CSNK1G1: variants seen among roughly 807,000 people sequenced by gnomAD.
CSNK1G1 encodes casein kinase I isoform gamma-1.
A neutral mutation model predicts 59.6 loss-of-function variants in CSNK1G1; 22 were observed. The observed-to-expected ratio is 0.37, with a 90% CI of 0.26 to 0.53. The LOEUF (loss-of-function observed/expected upper bound fraction) is 0.53. Ranked by LOEUF, CSNK1G1 falls within the 20% of genes least tolerant of loss-of-function variation. The pLI is 0.89. For synonymous variants in CSNK1G1, 179 were observed against 177.1 expected, an observed-to-expected ratio of 1.01 and a Z score of -0.08; for missense variants, 384 against 519.5, an observed-to-expected ratio of 0.74 and a Z score of 2.54.
At chr15:64,265,662 TAA>T (rs1200114552) in intron 2 of CSNK1G1, 359 of 272,956 alleles carry the variant, frequency 1.3e-3, no homozygotes, top group Middle Eastern at 2.8e-3. Flanking sequence ...ACAATAGCTT[TAA>T]AAAAAAAAAA....
At chr15:64,194,878 C>A (rs1358050527) in intron 10 of CSNK1G1, 2 of 152,116 alleles carry the variant, frequency 1.3e-5, no homozygotes, top group Non-Finnish European at 2.9e-5. Flanking sequence ...CAAACAAATC[C>A]AAAACACTCT....
chr15:64,262,704 T>G (rs1196196208), intron 2 of CSNK1G1, among the ~76,000 whole-genome samples: 2 of 152,232 alleles, frequency 1.3e-5, no homozygotes. Context: ...TAATTTTCAT[T>G]TGAAGATTTG....
intron 2 of CSNK1G1, among the ~76,000 whole-genome samples, chr15:64,286,776 C>G (rs920355585): frequency 6.6e-6 from 1 of 152,106 alleles, no homozygotes; most frequent in African/African-American, 2.4e-5. Context: ...ACATCCTCCA[C>G]TTTGATTCTG....
chr15:64,243,694 A>G (rs1050888511), intron 4 of CSNK1G1, among the ~76,000 whole-genome samples: 1 of 152,204 alleles, frequency 6.6e-6, no homozygotes, highest in African/African-American at 2.4e-5. Flanking sequence ...TTAAAAATGT[A>G]GTCAAGTTGC....
At chr15:64,246,639 A>AGG (rs35838047) in intron 4 of CSNK1G1, among the ~76,000 whole-genome samples, 6 of 88,944 alleles carry the variant, frequency 6.7e-5, no homozygotes, top group East Asian at 3.1e-4. Flanking sequence ...AAAAAAAAAA[A>AGG]GGGGGGGGGG....
intron 1 of CSNK1G1, among the ~76,000 whole-genome samples, chr15:64,333,218 T>C (rs775523721): frequency 7.3e-6 from 1 of 136,534 alleles, no homozygotes; most frequent in African/African-American, 2.8e-5. Flanking sequence ...GATTGCGCCA[T>C]TGCACTCCAG....
At chr15:64,251,957 G>C (rs1251839994) in intron 3 of CSNK1G1, among the ~76,000 whole-genome samples, 1 of 152,006 alleles carries the variant, frequency 6.6e-6, no homozygotes, top group Non-Finnish European at 1.5e-5. Context: ...GTGGTTCATG[G>C]TTTTATTATT....
chr15:64,191,880 A>C (rs2081977012), intron 10 of CSNK1G1, among the ~76,000 whole-genome samples: 2 of 152,228 alleles, frequency 1.3e-5, no homozygotes. Context: ...TAAGATGTTA[A>C]ATTCTAGGGC....
intron 11 of CSNK1G1, among the ~76,000 whole-genome samples, chr15:64,177,269 G>A (rs1349354791): frequency 6.6e-6 from 1 of 152,122 alleles, no homozygotes; most frequent in East Asian, 1.9e-4. Flanking sequence ...TACCCCACAA[G>A]CAGGCTGCAT....
At chr15:64,190,988 A>G (rs10519228) in intron 10 of CSNK1G1, among the ~76,000 whole-genome samples, 29,346 of 152,066 alleles carry the variant, frequency 0.19, 3,905 homozygotes, top group African/African-American at 0.38. Context: ...AAGCCATTTA[A>G]TGTTGAGTTC....
intron 2 of CSNK1G1, among the ~76,000 whole-genome samples, chr15:64,270,819 C>T (rs530687712): frequency 6.6e-6 from 1 of 151,128 alleles, no homozygotes; most frequent in Non-Finnish European, 1.5e-5. Flanking sequence ...GTTGTATCTT[C>T]GTTCTCATTA....
intron 4 of CSNK1G1, among the ~76,000 whole-genome samples, chr15:64,239,807 C>G (rs2082670173): frequency 6.6e-6 from 1 of 151,988 alleles, no homozygotes; most frequent in South Asian, 2.1e-4. Context: ...AGAAAAGAAC[C>G]AAACAGATTT....
intron 1 of CSNK1G1, among the ~76,000 whole-genome samples, chr15:64,350,039 G>A (rs1428593937): frequency 6.6e-6 from 1 of 152,002 alleles, no homozygotes; most frequent in East Asian, 1.9e-4. Flanking sequence ...ACTACTGAAA[G>A]AGTAAATTTA....
At chr15:64,202,540 C>T (rs2082121754) in intron 10 of CSNK1G1, among the ~76,000 whole-genome samples, 1 of 151,470 alleles carries the variant, frequency 6.6e-6, no homozygotes, top group Admixed American at 6.6e-5. Flanking sequence ...CTCTGACAGG[C>T]CCACACACTT....
At chr15:64,195,751 G>A (rs2082030539) in intron 10 of CSNK1G1, among the ~76,000 whole-genome samples, 1 of 152,174 alleles carries the variant, frequency 6.6e-6, no homozygotes, top group Non-Finnish European at 1.5e-5. Context: ...CTTTAGAGAG[G>A]AATCAGACCC....
At chr15:64,204,817 C>T (rs770946768) in intron 8 of CSNK1G1, 48 bp downstream of exon 8, 20 of 1,323,400 alleles carry the variant, frequency 1.5e-5, no homozygotes, top group Middle Eastern at 3.6e-4. Flanking sequence ...ATGGACTCTA[C>T]CTAGTTTCAA....
chr15:64,199,776 C>A (rs1035351271), intron 10 of CSNK1G1, among the ~76,000 whole-genome samples: 3 of 151,804 alleles, frequency 2.0e-5, no homozygotes, highest in African/African-American at 7.3e-5. Flanking sequence ...TTGCTCGAAC[C>A]CGGGAGGTGG....
chr15:64,223,583 C>CA (rs2082418916), intron 4 of CSNK1G1, among the ~76,000 whole-genome samples: 1 of 152,162 alleles, frequency 6.6e-6, no homozygotes, highest in African/African-American at 2.4e-5. Context: ...TGGTAAACTG[C>CA]ATAGAAACCT....
chr15:64,243,688 A>C (rs1445027849), intron 4 of CSNK1G1, among the ~76,000 whole-genome samples: 1 of 152,210 alleles, frequency 6.6e-6, no homozygotes, highest in Non-Finnish European at 1.5e-5. Flanking sequence ...ATGAATTTAA[A>C]AATGTAGTCA....
Sources: gnomAD v4.1 joint callset for allele counts (sites outside exome capture counted in the v4.1 genomes callset) on GRCh38, gnomAD v4.1.1 for gene constraint, MANE v1.5 for transcripts, NCBI Gene and HGNC (gene_info 2026-07-23, HGNC 2026-07-21) for gene names.